Variants in ZNRF1 observed in about 807,000 individuals in gnomAD.
The protein encoded by ZNRF1 is zinc and ring finger 1, also known as E3 ubiquitin-protein ligase ZNRF1.
A neutral mutation model predicts 18.4 loss-of-function variants in ZNRF1; 3 were observed. The observed-to-expected ratio is 0.16, with a 90% confidence interval of 0.07 to 0.42. The LOEUF (loss-of-function observed/expected upper bound fraction) is 0.42. ZNRF1 is among the 10% of genes least tolerant of loss of function. ZNRF1 has a pLI of 0.99. For synonymous variants in ZNRF1, 157 were observed against 144.2 expected, an observed-to-expected ratio of 1.09 and a Z score of -0.64; for missense variants, 310 against 329.8, an observed-to-expected ratio of 0.94 and a Z score of 0.47.
intron 1 of ZNRF1, among the ~76,000 whole-genome samples, chr16:75,053,914 C>T (rs1439471278): frequency 6.6e-6 from 1 of 152,192 alleles, no homozygotes; most frequent in Non-Finnish European, 1.5e-5. Context: ...CTCATTGTGG[C>T]CACGCAAGTT....
At chr16:75,006,054 A>T (rs868256342) in intron 1 of ZNRF1, among the ~76,000 whole-genome samples, 1 of 152,224 alleles carries the variant, frequency 6.6e-6, no homozygotes, top group Non-Finnish European at 1.5e-5. Context: ...GTGTCTAAAC[A>T]TAGAAAAGGT....
In ZNRF1 at chr16:75,066,569, G is replaced by C. The variant is rs368885634; in HGVS notation, c.425-27003G>C. Among the ~76,000 whole-genome samples, 19 of 152,270 alleles carry C rather than the reference G, an allele frequency of 1.2e-4. 2 individuals are homozygous for C. The highest frequency in any genetic ancestry group is 1.2e-3 in the South Asian group (6 of 4,824). Reference sequence around the variant, plus strand: ...CTAGGCTGCAGTGCAGTGGCGCGATGTCAGGTTACCGCAACCTCCACTTTC... The same window carrying C: ...CTAGGCTGCAGTGCAGTGGCGCGATCTCAGGTTACCGCAACCTCCACTTTC... On this transcript the variant is annotated intron_variant, in intron 1 of 4. Transcript: ENST00000335325.
intron 1 of ZNRF1, 50 bp downstream of exon 1, chr16:75,000,145 C>G: frequency 6.4e-7 from 1 of 1,565,072 alleles, no homozygotes; most frequent in Non-Finnish European, 8.7e-7. Flanking sequence ...GCCGGGGCGC[C>G]CCAAGCCTTC....
intron 1 of ZNRF1, among the ~76,000 whole-genome samples, chr16:75,069,657 C>T (rs1055806476): frequency 1.3e-5 from 2 of 152,184 alleles, no homozygotes; most frequent in Admixed American, 6.5e-5. Flanking sequence ...CGTGATCCAC[C>T]CGCCTCGGCC....
intron 1 of ZNRF1, among the ~76,000 whole-genome samples, chr16:75,091,317 C>T (rs2036136435): frequency 6.6e-6 from 1 of 150,482 alleles, no homozygotes. Context: ...GGAGATCGTG[C>T]CACTGCACTC....
At chr16:75,049,754 A>G (rs1315028686) in intron 1 of ZNRF1, among the ~76,000 whole-genome samples, 1 of 152,190 alleles carries the variant, frequency 6.6e-6, no homozygotes, top group Non-Finnish European at 1.5e-5. Context: ...ACATAATTAC[A>G]GTGCAATAGC....
intron 1 of ZNRF1, among the ~76,000 whole-genome samples, chr16:75,055,680 A>C (rs1384948675): frequency 2.0e-5 from 3 of 152,190 alleles, no homozygotes; most frequent in Non-Finnish European, 2.9e-5. Context: ...TTCTGCTGGA[A>C]AGGCATAAGA....
At chr16:75,011,599 A>G (rs1002976337) in intron 1 of ZNRF1, among the ~76,000 whole-genome samples, 11 of 152,096 alleles carry the variant, frequency 7.2e-5, no homozygotes, top group Admixed American at 3.9e-4. Flanking sequence ...TGTACATCCT[A>G]TATTATTAGA....
intron 1 of ZNRF1, among the ~76,000 whole-genome samples, chr16:75,091,371 A>AT (rs2036137618): frequency 6.7e-6 from 1 of 148,816 alleles, no homozygotes; most frequent in Non-Finnish European, 1.5e-5. Context: ...AAAAAAAAAA[A>AT]GAAAAGAAAA....
intron 1 of ZNRF1, chr16:75,046,989 C>G (rs1449829591): frequency 6.6e-6 from 1 of 152,144 alleles, no homozygotes; most frequent in African/African-American, 2.4e-5. Flanking sequence ...TTTCTCTGTA[C>G]TTGTACCACT....
chr16:75,063,893 T>C (rs1240976702), intron 1 of ZNRF1, among the ~76,000 whole-genome samples: 1 of 152,232 alleles, frequency 6.6e-6, no homozygotes, highest in Non-Finnish European at 1.5e-5. Context: ...TCTGCCCCCC[T>C]CATGCTAGGT....
At chr16:75,102,198 C>T (rs941510976) in intron 2 of ZNRF1, among the ~76,000 whole-genome samples, 1 of 152,054 alleles carries the variant, frequency 6.6e-6, no homozygotes, top group African/African-American at 2.4e-5. Context: ...ATTTTATGGG[C>T]CCCAGGTGTT....
chr16:75,032,114 T>TTC (rs1366218908), intron 1 of ZNRF1, among the ~76,000 whole-genome samples: 1 of 147,298 alleles, frequency 6.8e-6, no homozygotes, highest in African/African-American at 2.5e-5. Context: ...GTTTTTTTTT[T>TTC]TTTTTTTTTT....
At chr16:75,048,633 A>C (rs2035547205) in intron 1 of ZNRF1, among the ~76,000 whole-genome samples, 1 of 152,228 alleles carries the variant, frequency 6.6e-6, no homozygotes, top group African/African-American at 2.4e-5. Flanking sequence ...GCTCTCGAGA[A>C]TAGAACCATT....
chr16:75,041,834 T>G lies in ZNRF1; in HGVS notation c.424+41739T>G, dbSNP rs940361811. Among the ~76,000 whole-genome samples, 53 of 150,712 alleles carry G rather than the reference T, an allele frequency of 3.5e-4. 1 individual carries two copies. Among genetic ancestry groups the G allele is most frequent in the Admixed American group, 2.0e-4 (3 of 15,138 alleles). ...CCCATCTCTACTAAAAAAAAAAATATATATATATAAAATTAGCTGGGCATG... is the reference window on the plus strand; with the variant it reads ...CCCATCTCTACTAAAAAAAAAAATAGATATATATAAAATTAGCTGGGCATG... On this transcript the variant is annotated intron_variant, in intron 1 of 4. Coordinates refer to ENST00000335325, the MANE Select transcript of ZNRF1 (RefSeq NM_032268.5).
intron 1 of ZNRF1, among the ~76,000 whole-genome samples, chr16:75,087,578 G>A (rs2036088526): frequency 6.6e-6 from 1 of 152,222 alleles, no homozygotes; most frequent in Admixed American, 6.5e-5. Context: ...CTCTTGATTG[G>A]AAGTGGAGGG....
intron 2 of ZNRF1, among the ~76,000 whole-genome samples, chr16:75,096,556 AGG>A (rs955544708): frequency 2.0e-5 from 3 of 152,172 alleles, no homozygotes; most frequent in African/African-American, 7.2e-5. Context: ...CTTTCTGGAA[AGG>A]GGGCGAGGCG....
rs904499320 is a variant in ZNRF1 at position 75,108,897 on chromosome 16, T to C, written c.*1197T>C. On this transcript the variant is annotated 3_prime_UTR_variant, in exon 5 of 5. Transcript: ENST00000335325. Reference sequence around the variant, plus strand: ...GGAGTGGCAAGTCAGGCGTGCCTCCTACAAGCTTCCTAACCTCTTAAGCAT... The same window carrying C: ...GGAGTGGCAAGTCAGGCGTGCCTCCCACAAGCTTCCTAACCTCTTAAGCAT... 2.5e-5 allele frequency: 6 copies of C among 243,372 alleles called. No individual in the cohort carries two copies. Among genetic ancestry groups the C allele is most frequent in the African/African-American group, 1.3e-4 (6 of 45,042 alleles). The allele number at this position is 243,372 out of a possible 1,614,324, so 15.1% of individuals were successfully genotyped here.
rs563523417 is a variant in ZNRF1 at position 75,100,166 on chromosome 16, G to A, written c.521-4618G>A. On this transcript the variant is annotated intron_variant, in intron 2 of 4. Transcript: ENST00000335325. ...TTGGTCCCAGTGAAATGTGCTCCCT[G>A]CCGTGTGCCAGCCTGGTTGGGGTGC... 2.0e-5 allele frequency among the ~76,000 whole-genome samples: 3 copies of A among 152,334 alleles called. No homozygotes were observed. The East Asian group carries it at 5.8e-4, about 29-fold the overall frequency.
Sources: gnomAD v4.1 joint callset for allele counts (sites outside exome capture counted in the v4.1 genomes callset) on GRCh38, gnomAD v4.1.1 for gene constraint, MANE v1.5 for transcripts, NCBI Gene and HGNC (gene_info 2026-07-23, HGNC 2026-07-21) for gene names.